The following TEX14 variants were observed in gnomAD, a reference collection of about 807,000 sequenced individuals.
TEX14 encodes the protein inactive serine/threonine-protein kinase TEX14.
A neutral mutation model predicts 178.6 loss-of-function variants in TEX14; 168 were observed. The ratio of observed to expected loss-of-function variants is 0.94; its 90% CI spans 0.83 to 1.07. The LOEUF is 1.07. Ranked by LOEUF, TEX14 falls within the 50% of genes least tolerant of loss-of-function variation. The probability of loss-of-function intolerance (pLI) is 0.00; values close to 1 mark genes in which losing one functional copy is unlikely to be tolerated. For synonymous variants in TEX14, 626 were observed against 634.1 expected (o/e 0.99, Z 0.19); for missense variants, 1,730 against 1,753.6 (o/e 0.99, Z 0.24).
intron 1 of TEX14, among the ~76,000 whole-genome samples, chr17:58,679,981 T>C (rs988590638): frequency 6.6e-6 from 1 of 152,120 alleles, no homozygotes; most frequent in African/African-American, 2.4e-5. Flanking sequence ...ACGACTGAAA[T>C]AAAACTTAAA....
rs954587217 is a variant in TEX14 at position 58,561,529 on chromosome 17, C to A, written c.4148G>T (p.Gly1383Val). The A allele has an allele frequency of 7.4e-6, 12 of 1,611,640 alleles. No individual in the cohort carries two copies. The highest frequency in any genetic ancestry group is 5.0e-5 in the Admixed American group (3 of 59,998). ...TTTGGGGAACAATAACCTTTCAGAG[C>A]CCTTGGGAAGGTCTTGTAGCTCCAC... Reference protein sequence around the residue: ...ESVELQDLPKGSERETNIKDQ... With the variant: ...ESVELQDLPKVSERETNIKDQ... The change falls in exon 29 of 32, where the codon GGC becomes GTC. Residue 1383 changes from glycine (G) to valine (V), a missense_variant. By Grantham distance (109) the Gly-to-Val change is moderately radical. This residue lies in a region of TEX14 where 941 missense variants were observed against 1,072.4 expected (regional missense o/e 0.88). Transcript: ENST00000349033.
At chr17:58,636,739 C>T (rs141196122) in intron 2 of TEX14, among the ~76,000 whole-genome samples, 1 of 151,954 alleles carries the variant, frequency 6.6e-6, no homozygotes, top group East Asian at 1.9e-4. Flanking sequence ...ATGGTGAAAC[C>T]CTGTCTCTAC....
At chr17:58,576,659 C>A (rs2044684836) in intron 21 of TEX14, among the ~76,000 whole-genome samples, 1 of 152,214 alleles carries the variant, frequency 6.6e-6, no homozygotes. Context: ...TGGTTTACAG[C>A]TATGCCTGCT....
chr17:58,665,773 C>A (rs1178685779), intron 1 of TEX14, among the ~76,000 whole-genome samples: 1 of 151,902 alleles, frequency 6.6e-6, no homozygotes, highest in Non-Finnish European at 1.5e-5. Context: ...AGGCTGGGCG[C>A]GGTGGCTCAC....
intron 1 of TEX14, among the ~76,000 whole-genome samples, chr17:58,688,287 A>AT (rs1389420480): frequency 1.3e-4 from 20 of 151,560 alleles, no homozygotes; most frequent in African/African-American, 3.6e-4. Context: ...CCCCCAGTTA[A>AT]TTTTGTATTT....
At chr17:58,591,204 A>C (rs1302830815) in intron 15 of TEX14, among the ~76,000 whole-genome samples, 1 of 152,170 alleles carries the variant, frequency 6.6e-6, no homozygotes, top group Non-Finnish European at 1.5e-5. Context: ...TATTCCCTTC[A>C]TAGGAATAAA....
At chr17:58,669,438 G>A (rs2047267317) in intron 1 of TEX14, among the ~76,000 whole-genome samples, 1 of 151,956 alleles carries the variant, frequency 6.6e-6, no homozygotes, top group African/African-American at 2.4e-5. Context: ...GCTAAAGAAT[G>A]TAACAAGCCA....
At chr17:58,587,843 A>AGCCCCCCCCCC in intron 16 of TEX14, 53 bp downstream of exon 16, 1 of 1,118,858 alleles carries the variant, frequency 8.9e-7, no homozygotes, top group Non-Finnish European at 1.4e-6. Flanking sequence ...GGGTGCCAGA[A>AGCCCCCCCCCC]CCCACCCCCA....
chr17:58,640,840 C>T (rs1459598644), intron 2 of TEX14, among the ~76,000 whole-genome samples: 1 of 152,106 alleles, frequency 6.6e-6, no homozygotes, highest in Non-Finnish European at 1.5e-5. Flanking sequence ...CCACCTCAGC[C>T]TCTCGAGTAG....
chr17:58,571,235 C>CTTTTTTTTT (rs11456555), intron 24 of TEX14, among the ~76,000 whole-genome samples: 1 of 127,262 alleles, frequency 7.9e-6, no homozygotes, highest in Non-Finnish European at 1.6e-5. Flanking sequence ...CTTTTCTTTT[C>CTTTTTTTTT]TTTTTTTTTT....
At chr17:58,635,241 A>C (rs1360745691) in intron 2 of TEX14, among the ~76,000 whole-genome samples, 1 of 152,176 alleles carries the variant, frequency 6.6e-6, no homozygotes, top group African/African-American at 2.4e-5. Flanking sequence ...ATCCATACAC[A>C]TGTAGCAGTC....
At chr17:58,674,533 G>C (rs1009662873) in intron 1 of TEX14, among the ~76,000 whole-genome samples, 2 of 151,694 alleles carry the variant, frequency 1.3e-5, no homozygotes, top group Non-Finnish European at 2.9e-5. Flanking sequence ...AGCTGAGCAT[G>C]GTGGCTCAGG....
chr17:58,575,437 A>G (rs1474499246), intron 21 of TEX14, among the ~76,000 whole-genome samples: 1 of 152,068 alleles, frequency 6.6e-6, no homozygotes, highest in Non-Finnish European at 1.5e-5. Flanking sequence ...AATCCTTGCA[A>G]AAATCCTCTG....
At chr17:58,560,901 C>T (rs2044260160) in intron 29 of TEX14, among the ~76,000 whole-genome samples, 1 of 152,232 alleles carries the variant, frequency 6.6e-6, no homozygotes, top group Non-Finnish European at 1.5e-5. Flanking sequence ...CTTCATCAAA[C>T]AGGCCTCACA....
intron 13 of TEX14, among the ~76,000 whole-genome samples, chr17:58,601,513 T>G (rs750267731): frequency 9.7e-5 from 14 of 144,228 alleles, no homozygotes; most frequent in Non-Finnish European, 2.0e-4. Context: ...CAGAGCAAGA[T>G]TCCATCTCAA....
rs757152755 is a variant in TEX14, at chr17:58,556,768, A to C, written c.*243T>G. On this transcript the variant is annotated 3_prime_UTR_variant, in exon 32 of 32. Coordinates refer to ENST00000349033, the MANE Select transcript of TEX14 (RefSeq NM_031272.5). ...CAAAACCAAAGCCATTCTAGGCACA[A>C]CCAAAAATTTTTACTATCAAAACTA... 6.5e-6 allele frequency: 3 copies of C among 464,242 alleles called. No individual in the cohort carries two copies. The East Asian group carries it at 9.4e-5, about 14-fold the overall frequency. 28.8% of individuals were successfully genotyped at this position (464,242 alleles called of 1,614,324 possible).
chr17:58,592,744 G>T (rs1283150798), intron 15 of TEX14, among the ~76,000 whole-genome samples: 1 of 151,484 alleles, frequency 6.6e-6, no homozygotes, highest in Non-Finnish European at 1.5e-5. Flanking sequence ...TCACCATGTT[G>T]GCCAGGCTGC....
At chr17:58,594,269 A>C (rs1373285819) in intron 14 of TEX14, among the ~76,000 whole-genome samples, 1 of 152,076 alleles carries the variant, frequency 6.6e-6, no homozygotes, top group African/African-American at 2.4e-5. Context: ...CTATATGAAT[A>C]TGAAGACAGC....
intron 24 of TEX14, 140 bp from the exon 25 acceptor site, chr17:58,570,624 T>C (rs920702664): frequency 2.5e-6 from 1 of 407,676 alleles, no homozygotes; most frequent in Non-Finnish European, 4.1e-6. Context: ...TCCTTTTTTT[T>C]TTTTTTTTTT....
Sources: gnomAD v4.1 joint callset for allele counts (sites outside exome capture counted in the v4.1 genomes callset) on GRCh38, gnomAD v4.1.1 for gene constraint, gnomAD v4.1.1 regional missense constraint, MANE v1.5 for transcripts, NCBI Gene and HGNC (gene_info 2026-07-23, HGNC 2026-07-21) for gene names.